The following PKNOX2 variants were observed in gnomAD, a reference collection of about 807,000 sequenced individuals.
PKNOX2 encodes the protein PBX/knotted 1 homeobox 2, also known as homeobox protein PKNOX2.
In PKNOX2, 14 loss-of-function variants were observed where a neutral mutation model predicts 53.1. The ratio of observed to expected loss-of-function variants is 0.26; its 90% CI spans 0.17 to 0.41. The LOEUF (loss-of-function observed/expected upper bound fraction) is 0.41. Ranked by LOEUF, PKNOX2 falls within the 10% of genes least tolerant of loss-of-function variation. The probability of loss-of-function intolerance (pLI) is 1.00; values close to 1 mark genes in which losing one functional copy is unlikely to be tolerated. For synonymous variants in PKNOX2, 257 were observed against 242.8 expected, an observed-to-expected ratio of 1.06 and a Z score of -0.54; for missense variants, 496 against 602.8, an observed-to-expected ratio of 0.82 and a Z score of 1.85.
intron 1 of PKNOX2, among the ~76,000 whole-genome samples, chr11:125,220,381 C>T (rs1941002335): frequency 6.6e-6 from 1 of 152,156 alleles, no homozygotes; most frequent in Admixed American, 6.5e-5. Context: ...ATTTCCAACC[C>T]CTGAGCTCCG....
chr11:125,271,634 G>T (rs924168093), intron 2 of PKNOX2, among the ~76,000 whole-genome samples: 2 of 152,104 alleles, frequency 1.3e-5, no homozygotes, highest in Non-Finnish European at 2.9e-5. Context: ...ACTGATTTCA[G>T]TTCTGTCTAG....
intron 1 of PKNOX2, among the ~76,000 whole-genome samples, chr11:125,205,680 G>A (rs1939007764): frequency 2.0e-5 from 3 of 151,902 alleles, no homozygotes. Context: ...CTCATGCCAC[G>A]CCTTGCCCTA....
At chr11:125,383,467 A>AAAG (rs201052187) in intron 5 of PKNOX2, among the ~76,000 whole-genome samples, 1 of 145,668 alleles carries the variant, frequency 6.9e-6, no homozygotes, top group South Asian at 2.2e-4. Context: ...AAAAAAAAAA[A>AAAG]TTAGTCAGGC....
chr11:125,218,395 G>A (rs2135484678), intron 1 of PKNOX2, among the ~76,000 whole-genome samples: 2 of 151,186 alleles, frequency 1.3e-5, no homozygotes, highest in East Asian at 3.9e-4. Context: ...TCTGGGTGCT[G>A]CGTGGCAGTG....
chr11:125,334,398 C>A (rs1194302783), intron 3 of PKNOX2, among the ~76,000 whole-genome samples: 1 of 152,132 alleles, frequency 6.6e-6, no homozygotes, highest in Non-Finnish European at 1.5e-5. Context: ...AGGAAGGGAA[C>A]AGCATTTGTT....
chr11:125,226,457 G>A (rs530632931), intron 1 of PKNOX2, among the ~76,000 whole-genome samples: 2 of 152,238 alleles, frequency 1.3e-5, no homozygotes, highest in East Asian at 3.9e-4. Flanking sequence ...CAGCCGCTGG[G>A]TTGAATAGAT....
intron 2 of PKNOX2, among the ~76,000 whole-genome samples, chr11:125,263,327 G>A (rs772854954): frequency 4.6e-5 from 7 of 152,230 alleles, no homozygotes; most frequent in Non-Finnish European, 8.8e-5. Context: ...CTAGCAGTGG[G>A]GGAAGCCGCA....
intron 1 of PKNOX2, among the ~76,000 whole-genome samples, chr11:125,221,074 G>T (rs1433803419): frequency 6.6e-6 from 1 of 152,160 alleles, no homozygotes; most frequent in Admixed American, 6.5e-5. Flanking sequence ...AGAATTGCTT[G>T]AACCTGGGAG....
intron 2 of PKNOX2, among the ~76,000 whole-genome samples, chr11:125,259,370 C>T (rs555962321): frequency 6.6e-6 from 1 of 152,324 alleles, no homozygotes; most frequent in Non-Finnish European, 1.5e-5. Flanking sequence ...CCTGCCAGCT[C>T]TGACAACTTT....
At chr11:125,399,736 T>C (rs906163450) in intron 7 of PKNOX2, among the ~76,000 whole-genome samples, 5 of 152,134 alleles carry the variant, frequency 3.3e-5, no homozygotes, top group African/African-American at 1.2e-4. Flanking sequence ...GGAGAGGCAC[T>C]GGATTTCCCC....
chr11:125,303,896 C>T (rs12573897), intron 2 of PKNOX2, among the ~76,000 whole-genome samples: 5,060 of 152,280 alleles, frequency 0.033, 200 homozygotes, highest in East Asian at 0.21. Context: ...ATTGCAAAAC[C>T]ATCTCCTTCC....
chr11:125,268,436 C>T (rs146369825), intron 2 of PKNOX2, among the ~76,000 whole-genome samples: 32 of 152,290 alleles, frequency 2.1e-4, no homozygotes, highest in East Asian at 1.4e-3. Flanking sequence ...TGGGGTCAAA[C>T]GTGGCATGGG....
At position 125,173,758 on chromosome 11, in the gene PKNOX2, A is replaced by C. The variant is rs553657543; in HGVS notation, c.-201+8982A>C. 1.2e-4 allele frequency among the ~76,000 whole-genome samples: 18 copies of C among 152,352 alleles called. No homozygotes were observed. The East Asian group carries it at 3.1e-3, about 26-fold the overall frequency. On this transcript the variant is annotated intron_variant, in intron 1 of 12. Transcript: ENST00000298282. ...CAGTGTGGCCTTGGTCTGCCAGCCC[A>C]GGTGTAAGCTGGACCCCTGGGTGGA...
intron 2 of PKNOX2, among the ~76,000 whole-genome samples, chr11:125,235,546 G>C (rs1266637528): frequency 6.6e-6 from 1 of 152,194 alleles, no homozygotes; most frequent in African/African-American, 2.4e-5. Context: ...TTCTGGGGAG[G>C]CATGAGGGAG....
At chr11:125,218,148 G>A (rs561476184) in intron 1 of PKNOX2, among the ~76,000 whole-genome samples, 1 of 152,236 alleles carries the variant, frequency 6.6e-6, no homozygotes, top group South Asian at 2.1e-4. Flanking sequence ...GCTGGATGCA[G>A]GAGGCCTGAG....
At chr11:125,327,276 G>A (rs370299278) in intron 2 of PKNOX2, among the ~76,000 whole-genome samples, 7 of 152,122 alleles carry the variant, frequency 4.6e-5, no homozygotes, top group African/African-American at 7.2e-5. Context: ...GTCCATAGAC[G>A]GGTCCAGTAG....
rs1565519900 is a variant in PKNOX2 at position 125,411,503 on chromosome 11, T to TCTCTCTCTCTCTCTCC, written c.817-236_817-235insTCTCTCTCCCTCTCTC. On this transcript the variant is annotated intron_variant, in intron 9 of 12. Transcript: ENST00000298282. ...CTCTCTCTCTCTCTCTCTCTCTCTC[T>TCTCTCTCTCTCTCTCC]CTCTCTCCCCCCCTTCCCCATCTCT... 6.8e-6 allele frequency: 3 copies of TCTCTCTCTCTCTCTCC among 440,532 alleles called. No individual in the cohort carries two copies. In the African/African-American group the frequency reaches 6.9e-5, roughly 10 times the overall value. The allele number at this position is 440,532 out of a possible 1,614,324, so 27.3% of individuals were successfully genotyped here. A position where few individuals can be genotyped will look rare whatever the true frequency, so the allele number is the denominator to read the frequency against.
At chr11:125,224,943 G>T (rs1941562559) in intron 1 of PKNOX2, among the ~76,000 whole-genome samples, 1 of 152,244 alleles carries the variant, frequency 6.6e-6, no homozygotes. Flanking sequence ...CAGGCTTGCT[G>T]GAGTGGGGTC....
chr11:125,306,256 A>G (rs1197315917), intron 2 of PKNOX2, among the ~76,000 whole-genome samples: 3 of 151,062 alleles, frequency 2.0e-5, no homozygotes, highest in African/African-American at 7.3e-5. Flanking sequence ...GTCTCCCACC[A>G]GTTGCCAATT....
Sources: gnomAD v4.1 joint callset for allele counts (sites outside exome capture counted in the v4.1 genomes callset) on GRCh38, gnomAD v4.1.1 for gene constraint, MANE v1.5 for transcripts, NCBI Gene and HGNC (gene_info 2026-07-23, HGNC 2026-07-21) for gene names.